The following BAIAP2 variants were observed in gnomAD, a reference collection of about 807,000 sequenced individuals.
BAIAP2 encodes BAR/IMD domain-containing adapter protein 2.
In BAIAP2, 18 loss-of-function variants were observed where a neutral mutation model predicts 63.0. The ratio of observed to expected loss-of-function variants is 0.29; its 90% CI spans 0.20 to 0.42. BAIAP2 has a LOEUF of 0.42. BAIAP2 is among the 10% of genes least tolerant of loss of function. The pLI is 1.00. For missense variants in BAIAP2, 610 were observed against 734.3 expected (o/e 0.83, Z 1.96); for synonymous variants, 386 against 307.6 (o/e 1.25, Z -2.67).
intron 13 of BAIAP2, among the ~76,000 whole-genome samples, chr17:81,114,165 G>GGT (rs535683639): frequency 7.4e-5 from 11 of 148,418 alleles, no homozygotes; most frequent in African/African-American, 2.3e-4. Flanking sequence ...TGTAGAGACG[G>GGT]GTACGCTTTG....
At chr17:81,095,649 CG>C (rs2057491716) in intron 6 of BAIAP2, among the ~76,000 whole-genome samples, 4 of 152,102 alleles carry the variant, frequency 2.6e-5, no homozygotes, top group Non-Finnish European at 5.9e-5. Context: ...CCCCGTCCTT[CG>C]GGGGCTGGCC....
intron 7 of BAIAP2, among the ~76,000 whole-genome samples, chr17:81,101,611 A>G (rs981403103): frequency 1.5e-4 from 22 of 150,472 alleles, no homozygotes; most frequent in African/African-American, 4.1e-4. Flanking sequence ...CACCCACCAC[A>G]CTCTCATGTA....
intron 5 of BAIAP2, 109 bp from the exon 6 acceptor site, chr17:81,086,334 C>T: frequency 7.2e-7 from 1 of 1,383,296 alleles, no homozygotes; most frequent in Non-Finnish European, 9.9e-7. Context: ...GCAGGGCTGG[C>T]AAGGGGACCC....
chr17:81,036,286 A>G lies in BAIAP2; in HGVS notation c.54+978A>G, dbSNP rs543277144. ...CTGGGTCCTGGGCGATCTCTTACAG[A>G]TGTGCTTTGTTTCAAAACTGTCTGC... On this transcript the variant is annotated intron_variant, in intron 1 of 13. Coordinates refer to ENST00000428708, the MANE Select transcript of BAIAP2 (RefSeq NM_001144888.2). Among the ~76,000 whole-genome samples the G allele has an allele frequency of 1.5e-4, 23 of 152,214 alleles. No individual in the cohort carries two copies. The East Asian group carries it at 3.5e-3, about 23-fold the overall frequency.
intron 1 of BAIAP2, among the ~76,000 whole-genome samples, chr17:81,042,626 C>T (rs1312389384): frequency 6.6e-6 from 1 of 152,082 alleles, no homozygotes; most frequent in African/African-American, 2.4e-5. Context: ...TCATGGCTGC[C>T]CCAGTGGGAG....
At position 81,106,820 on chromosome 17, in the gene BAIAP2, C is replaced by T. The variant is rs375290881; in HGVS notation, c.1413C>T (p.Tyr471=). ...ACCTGGCCATCCCACCCCCCGATTA[C>T]GGCGCCGCCTCCCGGGCCTTCCCCG... is the stretch of plus-strand genomic sequence containing the variant. ...KDDLAIPPPD[Y]GAASRAFPAQ... is the part of the protein sequence containing the mutation. The change falls in exon 12 of 14, where the codon TAC becomes TAT. Residue 471 remains tyrosine (Y), a synonymous_variant. Coordinates refer to ENST00000428708, the MANE Select transcript of BAIAP2 (RefSeq NM_001144888.2). The T allele has an allele frequency of 1.4e-4, 227 of 1,612,038 alleles. No individual in the cohort carries two copies. The highest frequency in any genetic ancestry group is 1.7e-4 in the Non-Finnish European group (202 of 1,179,616).
intron 1 of BAIAP2, among the ~76,000 whole-genome samples, chr17:81,049,746 GC>G (rs1041045914): frequency 5.3e-5 from 8 of 152,358 alleles, no homozygotes; most frequent in African/African-American, 1.9e-4. Flanking sequence ...TGGCTCCCCT[GC>G]CCCCACCTGG....
At chr17:81,069,040 G>A (rs1160997421) in intron 3 of BAIAP2, among the ~76,000 whole-genome samples, 2 of 152,204 alleles carry the variant, frequency 1.3e-5, no homozygotes, top group Admixed American at 1.3e-4. Flanking sequence ...GGTGATCCCG[G>A]TGGCAGGGGC....
chr17:81,098,857 G>A (rs561756690), intron 6 of BAIAP2, among the ~76,000 whole-genome samples: 51 of 152,360 alleles, frequency 3.3e-4, no homozygotes, highest in African/African-American at 1.2e-3. Context: ...GGCTGCCCTG[G>A]TTCTAGGGTC....
At chr17:81,054,555 G>A (rs1273650693) in intron 2 of BAIAP2, among the ~76,000 whole-genome samples, 1 of 152,212 alleles carries the variant, frequency 6.6e-6, no homozygotes, top group Admixed American at 6.5e-5. Flanking sequence ...CTAGAGACGG[G>A]AGGGGTGCGG....
At chr17:81,093,820 A>G (rs968020477) in intron 6 of BAIAP2, among the ~76,000 whole-genome samples, 1 of 152,208 alleles carries the variant, frequency 6.6e-6, no homozygotes, top group African/African-American at 2.4e-5. Flanking sequence ...TTCAGAGAAG[A>G]TAATAGCAGG....
chr17:81,075,154 C>T lies in BAIAP2; in HGVS notation c.218-9678C>T, dbSNP rs78776560. 6.7e-3 allele frequency among the ~76,000 whole-genome samples: 1,024 copies of T among 152,336 alleles called. 10 individuals are homozygous for T. Among genetic ancestry groups the T allele is most frequent in the African/African-American group, 0.023 (974 of 41,586 alleles). ...GCTGTCTCCAGCCACATTTGCATTC[C>T]GGCTGTGCCCACATTTGGCATTGGG... On this transcript the variant is annotated intron_variant, in intron 3 of 13. Coordinates refer to ENST00000428708, the MANE Select transcript of BAIAP2 (RefSeq NM_001144888.2).
chr17:81,038,048 G>A (rs2046532576), intron 1 of BAIAP2, among the ~76,000 whole-genome samples: 1 of 152,236 alleles, frequency 6.6e-6, no homozygotes, highest in Non-Finnish European at 1.5e-5. Flanking sequence ...CCTTCTGGGG[G>A]CACTGCGTGG....
chr17:81,100,640 C>T (rs1230041726), intron 7 of BAIAP2, among the ~76,000 whole-genome samples: 1 of 152,168 alleles, frequency 6.6e-6, no homozygotes, highest in Non-Finnish European at 1.5e-5. Flanking sequence ...CCAAGACAAC[C>T]ATGACACTGG....
At chr17:81,035,707 C>CGGGGCGGCGGGGGCGGCGGGGGCGGCG (rs564873589) in intron 1 of BAIAP2, among the ~76,000 whole-genome samples, 3 of 151,766 alleles carry the variant, frequency 2.0e-5, no homozygotes, top group African/African-American at 7.3e-5. Flanking sequence ...CGGGCAGGGC[C>CGGGGCGGCGGGGGCGGCGGGGGCGGCG]GGGGCGGCGG....
intron 1 of BAIAP2, among the ~76,000 whole-genome samples, chr17:81,043,485 T>C (rs1271156660): frequency 6.6e-6 from 1 of 152,202 alleles, no homozygotes; most frequent in African/African-American, 2.4e-5. Flanking sequence ...TCTAGGGATG[T>C]GGCTGTGAAG....
At chr17:81,061,568 A>G (rs2144486258) in intron 3 of BAIAP2, among the ~76,000 whole-genome samples, 1 of 152,200 alleles carries the variant, frequency 6.6e-6, no homozygotes, top group Admixed American at 6.5e-5. Flanking sequence ...GTGCGTGGTT[A>G]TTCTGAGCTG....
At chr17:81,093,423 G>A (rs1296031851) in intron 6 of BAIAP2, among the ~76,000 whole-genome samples, 1 of 152,274 alleles carries the variant, frequency 6.6e-6, no homozygotes, top group South Asian at 2.1e-4. Flanking sequence ...CAGGGTTTCT[G>A]CTGGGTTACC....
chr17:81,082,670 GA>G (rs1321244766), intron 3 of BAIAP2, among the ~76,000 whole-genome samples: 1 of 152,180 alleles, frequency 6.6e-6, no homozygotes, highest in Non-Finnish European at 1.5e-5. Context: ...TCCCTCCACA[GA>G]AATCTGTGCC....
Sources: gnomAD v4.1 joint callset for allele counts (sites outside exome capture counted in the v4.1 genomes callset) on GRCh38, gnomAD v4.1.1 for gene constraint, MANE v1.5 for transcripts, NCBI Gene and HGNC (gene_info 2026-07-23, HGNC 2026-07-21) for gene names.